The following ST6GALNAC3 variants were observed in gnomAD, a reference collection of about 807,000 sequenced individuals.
ST6GALNAC3 encodes the protein alpha-N-acetylgalactosaminide alpha-2,6-sialyltransferase 3.
ST6GALNAC3 carries 25 observed loss-of-function variants against 32.7 expected under a neutral mutation model. The observed-to-expected ratio is 0.76, with a 90% confidence interval of 0.56 to 1.07. The LOEUF (loss-of-function observed/expected upper bound fraction) is 1.07. Among genes scored for constraint, ST6GALNAC3 ranks in the 50% least tolerant of loss-of-function variants. The probability of loss-of-function intolerance (pLI) is 0.00; values close to 1 mark genes in which losing one functional copy is unlikely to be tolerated. For synonymous variants in ST6GALNAC3, 129 were observed against 133.1 expected (o/e 0.97, Z 0.21); for missense variants, 355 against 382.4 (o/e 0.93, Z 0.60).
At chr1:76,604,402 A>C (rs1647390379) in intron 3 of ST6GALNAC3, among the ~76,000 whole-genome samples, 1 of 152,220 alleles carries the variant, frequency 6.6e-6, no homozygotes, top group African/African-American at 2.4e-5. Context: ...AAACTTAAGT[A>C]TTCTCTATGA....
intron 3 of ST6GALNAC3, among the ~76,000 whole-genome samples, chr1:76,438,008 A>C (rs1049676966): frequency 4.6e-5 from 7 of 152,140 alleles, no homozygotes; most frequent in African/African-American, 1.7e-4. Context: ...GTTCTCAATA[A>C]GTATTTTGAA....
intron 3 of ST6GALNAC3, among the ~76,000 whole-genome samples, chr1:76,460,294 G>T (rs4593881): frequency 0.56 from 84,672 of 151,920 alleles, 25,619 homozygotes; most frequent in Non-Finnish European, 0.67. Context: ...GATATGTCAA[G>T]TCTTTTGCCC....
chr1:76,102,026 A>G (rs1485302670), intron 1 of ST6GALNAC3, among the ~76,000 whole-genome samples: 1 of 152,104 alleles, frequency 6.6e-6, no homozygotes, highest in Non-Finnish European at 1.5e-5. Context: ...GATTTTCTGC[A>G]TTCTCACTGA....
intron 1 of ST6GALNAC3, among the ~76,000 whole-genome samples, chr1:76,182,140 T>G (rs1299761953): frequency 6.6e-6 from 1 of 152,176 alleles, no homozygotes; most frequent in East Asian, 1.9e-4. Flanking sequence ...AAATAAGCAT[T>G]TTTACTATAC....
intron 1 of ST6GALNAC3, among the ~76,000 whole-genome samples, chr1:76,222,607 C>T (rs1655837486): frequency 6.6e-6 from 1 of 152,062 alleles, no homozygotes. Context: ...CACATGTATA[C>T]ATATGTAACT....
At chr1:76,120,898 A>G (rs1239176447) in intron 1 of ST6GALNAC3, among the ~76,000 whole-genome samples, 2 of 152,116 alleles carry the variant, frequency 1.3e-5, no homozygotes, top group African/African-American at 2.4e-5. Flanking sequence ...GCTGGGCTGC[A>G]ATGCTTCTGG....
At chr1:76,289,141 G>A (rs1285554173) in intron 1 of ST6GALNAC3, among the ~76,000 whole-genome samples, 3 of 152,198 alleles carry the variant, frequency 2.0e-5, no homozygotes, top group Non-Finnish European at 2.9e-5. Flanking sequence ...ACTTTGGTGT[G>A]TTACCTTTAA....
intron 1 of ST6GALNAC3, among the ~76,000 whole-genome samples, chr1:76,289,437 T>C (rs1659953436): frequency 6.6e-6 from 1 of 152,234 alleles, no homozygotes; most frequent in African/African-American, 2.4e-5. Flanking sequence ...GGCACCATGC[T>C]TTAAGAAGCA....
chr1:76,551,053 G>A (rs1441260694), intron 3 of ST6GALNAC3, among the ~76,000 whole-genome samples: 1 of 152,188 alleles, frequency 6.6e-6, no homozygotes, highest in Non-Finnish European at 1.5e-5. Context: ...GATTACAGGT[G>A]TGAGCCACTG....
rs575308568 is a variant in ST6GALNAC3 at position 76,293,467 on chromosome 1, T to C, written c.19-20338T>C. 3.9e-5 allele frequency among the ~76,000 whole-genome samples: 6 copies of C among 152,276 alleles called. 1 individual carries two copies. The South Asian group carries it at 1.2e-3, about 32-fold the overall frequency. On this transcript the variant is annotated intron_variant, in intron 1 of 4. Coordinates refer to ENST00000328299, the MANE Select transcript of ST6GALNAC3 (RefSeq NM_152996.4). ...GAAAATATTAAATCCATTTGTCCTC[T>C]CTATTGATACTATACATGAGGAAAC... is the stretch of plus-strand genomic sequence containing the variant.
At chr1:76,447,936 C>T (rs1016332614) in intron 3 of ST6GALNAC3, among the ~76,000 whole-genome samples, 2 of 152,166 alleles carry the variant, frequency 1.3e-5, no homozygotes, top group African/African-American at 4.8e-5. Flanking sequence ...CACAGAGAGT[C>T]CTTACTGGGG....
At chr1:76,272,457 T>TA (rs1255114054) in intron 1 of ST6GALNAC3, among the ~76,000 whole-genome samples, 1 of 152,168 alleles carries the variant, frequency 6.6e-6, no homozygotes, top group Non-Finnish European at 1.5e-5. Context: ...TACGGGGTCT[T>TA]ACAAAGTTTA....
At chr1:76,473,023 A>C (rs1331871070) in intron 3 of ST6GALNAC3, among the ~76,000 whole-genome samples, 1 of 152,088 alleles carries the variant, frequency 6.6e-6, no homozygotes, top group Non-Finnish European at 1.5e-5. Flanking sequence ...TAAATCTTGG[A>C]TAGAAGGGGC....
intron 3 of ST6GALNAC3, among the ~76,000 whole-genome samples, chr1:76,534,700 G>T (rs1239004377): frequency 6.6e-6 from 1 of 152,128 alleles, no homozygotes; most frequent in East Asian, 1.9e-4. Context: ...TTTATTCAGT[G>T]AACTGAATAG....
intron 3 of ST6GALNAC3, among the ~76,000 whole-genome samples, chr1:76,464,911 C>A (rs759285320): frequency 1.3e-5 from 2 of 152,120 alleles, no homozygotes; most frequent in Non-Finnish European, 2.9e-5. Context: ...TTTCATCTCC[C>A]CAAATCTCTT....
chr1:76,288,026 A>G (rs925571112), intron 1 of ST6GALNAC3, among the ~76,000 whole-genome samples: 1 of 152,164 alleles, frequency 6.6e-6, no homozygotes, highest in African/African-American at 2.4e-5. Flanking sequence ...TCACTGCCCA[A>G]CTGAGAAGTA....
chr1:76,279,893 C>CT (rs1477652419), intron 1 of ST6GALNAC3, among the ~76,000 whole-genome samples: 3 of 152,280 alleles, frequency 2.0e-5, no homozygotes, highest in Admixed American at 1.3e-4. Context: ...ATAGGTTACT[C>CT]GACTGGAGGA....
intron 2 of ST6GALNAC3, among the ~76,000 whole-genome samples, chr1:76,337,806 C>A (rs367830146): frequency 1.3e-5 from 2 of 152,118 alleles, no homozygotes; most frequent in East Asian, 1.9e-4. Context: ...ACTTTTGTAG[C>A]CTACACTGGT....
In ST6GALNAC3 at chr1:76,628,691, T is replaced by C; in HGVS notation, c.803T>C (p.Leu268Pro). 1 of 1,612,462 alleles carries C rather than the reference T, an allele frequency of 6.2e-7. No individual in the cohort carries two copies. Among genetic ancestry groups the C allele is most frequent in the South Asian group, 1.1e-5 (1 of 91,028 alleles). ...AGAGATGAGTGTGATGAATATTTTC[T>C]TCATGAACATGCCCCATATGGGGGT... The part of the protein sequence containing the change: ...QGRDECDEYF[L>P]HEHAPYGGHR... Residue 268 changes from leucine (L) to proline (P), a missense_variant, in exon 5 of 5, where the codon CTT (leucine) becomes CCT (proline). Leu to Pro is a moderately conservative substitution (Grantham distance 98). Transcript: ENST00000328299.
Sources: allele counts gnomAD v4.1 joint callset (sites outside exome capture counted in the v4.1 genomes callset), GRCh38; gene constraint gnomAD v4.1.1; transcripts MANE v1.5; gene names NCBI Gene and HGNC (gene_info 2026-07-23, HGNC 2026-07-21).